The following DPP6 variants were observed in gnomAD, a reference collection of about 807,000 sequenced individuals.
DPP6 encodes the protein dipeptidyl peptidase like 6.
A neutral mutation model predicts 122.6 loss-of-function variants in DPP6; 69 were observed. The ratio of observed to expected loss-of-function variants is 0.56; its 90% CI spans 0.46 to 0.69. The LOEUF (loss-of-function observed/expected upper bound fraction) is 0.69, where lower values mean the gene tolerates loss of function less well. Ranked by LOEUF, DPP6 falls within the 30% of genes least tolerant of loss-of-function variation. DPP6 has a pLI of 0.00. For missense variants in DPP6, 928 were observed against 1,116.9 expected (o/e 0.83, Z 2.41); for synonymous variants, 418 against 433.1 (o/e 0.97, Z 0.43).
At chr7:153,811,296 C>G in the DPP6 span, among the ~76,000 whole-genome samples, 1 of 152,202 alleles carries the variant, frequency 6.6e-6, no homozygotes, top group African/African-American at 2.4e-5. Context: ...GACTTTTACT[C>G]TCTCAAATGC....
intron 3 of DPP6, among the ~76,000 whole-genome samples, chr7:154,528,113 A>G (rs1009145006): frequency 3.3e-5 from 5 of 152,200 alleles, no homozygotes; most frequent in African/African-American, 1.2e-4. Flanking sequence ...GATGAGTGGC[A>G]TATTTTAAAT....
At chr7:154,027,560 A>C (rs1444412632) in intron 1 of DPP6, among the ~76,000 whole-genome samples, 1 of 152,084 alleles carries the variant, frequency 6.6e-6, no homozygotes, top group Non-Finnish European at 1.5e-5. Flanking sequence ...ATCACTCCCA[A>C]AGTCCACCTC....
intron 1 of DPP6, among the ~76,000 whole-genome samples, chr7:153,942,873 A>G (rs573796186): frequency 1.3e-5 from 2 of 152,188 alleles, no homozygotes; most frequent in South Asian, 2.1e-4. Context: ...TGGTCCAGCA[A>G]TCACAGTGAG....
chr7:153,899,252 T>C (rs1195823319), intron 1 of DPP6, among the ~76,000 whole-genome samples: 1 of 151,548 alleles, frequency 6.6e-6, no homozygotes, highest in African/African-American at 2.4e-5. Flanking sequence ...GCCAGATGTG[T>C]ATTCTTACCC....
chr7:153,942,396 G>A (rs759796851), intron 1 of DPP6, among the ~76,000 whole-genome samples: 2 of 152,212 alleles, frequency 1.3e-5, no homozygotes, highest in South Asian at 2.1e-4. Flanking sequence ...TCAATGACAC[G>A]TAAGTGCCAG....
At chr7:153,895,782 A>G (rs547337528) in intron 1 of DPP6, among the ~76,000 whole-genome samples, 1 of 152,064 alleles carries the variant, frequency 6.6e-6, no homozygotes, top group Non-Finnish European at 1.5e-5. Flanking sequence ...TACATCTCAG[A>G]TGTAAAATAC....
At chr7:153,915,773 T>C (rs1800278388) in intron 1 of DPP6, among the ~76,000 whole-genome samples, 1 of 152,154 alleles carries the variant, frequency 6.6e-6, no homozygotes, top group African/African-American at 2.4e-5. Flanking sequence ...GATGCTACTC[T>C]TTGTATTTTT....
At chr7:154,257,825 GAC>G (rs1335463204) in intron 1 of DPP6, among the ~76,000 whole-genome samples, 1 of 152,216 alleles carries the variant, frequency 6.6e-6, no homozygotes, top group Non-Finnish European at 1.5e-5. Flanking sequence ...GCCACATGGG[GAC>G]AAATGGCTTG....
At chr7:154,610,787 T>G (rs6956511) in intron 5 of DPP6, among the ~76,000 whole-genome samples, 59,872 of 151,486 alleles carry the variant, frequency 0.4, 12,396 homozygotes, top group Non-Finnish European at 0.46. Context: ...GAAAATTCTC[T>G]TATTCTTTTC....
In DPP6 at chr7:154,236,335, T is replaced by C. The variant is rs1352340549; in HGVS notation, c.243+183272T>C. Among the ~76,000 whole-genome samples the C allele has an allele frequency of 5.9e-5, 9 of 152,298 alleles. No homozygotes were observed. The South Asian group carries it at 1.4e-3, about 25-fold the overall frequency. ...TTTAATATAAATAGGTCACACAATA[T>C]ATCAGCATGCCTATAGAGGCATTTC... On this transcript the variant is annotated intron_variant, in intron 1 of 25. Transcript: ENST00000377770.
intron 1 of DPP6, among the ~76,000 whole-genome samples, chr7:154,000,941 C>T (rs1797659835): frequency 6.6e-6 from 1 of 152,168 alleles, no homozygotes; most frequent in South Asian, 2.1e-4. Flanking sequence ...CAGAGATCCA[C>T]CCTAAGGGCG....
intron 6 of DPP6, among the ~76,000 whole-genome samples, chr7:154,654,392 T>A (rs1837088988): frequency 7.9e-6 from 1 of 126,258 alleles, no homozygotes; most frequent in South Asian, 2.6e-4. Flanking sequence ...CCTGAAAACA[T>A]CTATATCCAA....
intron 16 of DPP6, among the ~76,000 whole-genome samples, chr7:154,814,221 C>G (rs1799272142): frequency 6.6e-6 from 1 of 152,106 alleles, no homozygotes. Context: ...CAGTTGATGA[C>G]TATGTTCCCA....
chr7:154,487,129 C>T (rs555074847), intron 3 of DPP6, among the ~76,000 whole-genome samples: 2 of 152,210 alleles, frequency 1.3e-5, no homozygotes, highest in African/African-American at 2.4e-5. Flanking sequence ...GGGACAGGCT[C>T]TTCTTTTTTT....
chr7:154,131,807 C>A (rs1266812611), intron 1 of DPP6, among the ~76,000 whole-genome samples: 2 of 152,004 alleles, frequency 1.3e-5, no homozygotes, highest in African/African-American at 4.8e-5. Context: ...TAGAGGTGCT[C>A]AAGGAGAAAA....
At chr7:153,855,137 T>TAGATG in the DPP6 span, among the ~76,000 whole-genome samples, 1 of 145,446 alleles carries the variant, frequency 6.9e-6, no homozygotes, top group Non-Finnish European at 1.5e-5. Context: ...TACCTAATGC[T>TAGATG]AGATGACAAG....
At chr7:154,643,669 C>T (rs1003073357) in intron 6 of DPP6, among the ~76,000 whole-genome samples, 13 of 151,942 alleles carry the variant, frequency 8.6e-5, no homozygotes, top group Non-Finnish European at 1.9e-4. Flanking sequence ...GGGGTTTCAC[C>T]GTGTTAGCTA....
chr7:154,854,974 C>T (rs528207419), intron 17 of DPP6, among the ~76,000 whole-genome samples: 2 of 152,156 alleles, frequency 1.3e-5, no homozygotes, highest in African/African-American at 2.4e-5. Context: ...GGCCCGGGTC[C>T]GCAGTTCCCC....
chr7:154,228,794 T>G (rs529816509), intron 1 of DPP6, among the ~76,000 whole-genome samples: 1 of 152,208 alleles, frequency 6.6e-6, no homozygotes, highest in East Asian at 1.9e-4. Flanking sequence ...AAAGCAATGA[T>G]GTCAGTCATT....
Sources: allele counts gnomAD v4.1 joint callset (sites outside exome capture counted in the v4.1 genomes callset), GRCh38; gene constraint gnomAD v4.1.1; transcripts MANE v1.5; gene names NCBI Gene and HGNC (gene_info 2026-07-23, HGNC 2026-07-21).